The following RASGRF2 variants were observed in gnomAD, a reference collection of about 807,000 sequenced individuals.
RASGRF2 encodes the protein Ras protein specific guanine nucleotide releasing factor 2, also known as ras-specific guanine nucleotide-releasing factor 2.
A neutral mutation model predicts 151.0 loss-of-function variants in RASGRF2; 76 were observed. The observed-to-expected ratio is 0.50, with a 90% CI of 0.42 to 0.61. The LOEUF (loss-of-function observed/expected upper bound fraction) is 0.61, where lower values mean the gene tolerates loss of function less well. Ranked by LOEUF, RASGRF2 falls within the 20% of genes least tolerant of loss-of-function variation. The pLI is 0.00. For missense variants in RASGRF2, 1,148 were observed against 1,564.6 expected (o/e 0.73, Z 4.49); for synonymous variants, 504 against 566.5 (o/e 0.89, Z 1.57).
At chr5:81,185,278 C>G (rs886177107) in intron 18 of RASGRF2, among the ~76,000 whole-genome samples, 1 of 152,220 alleles carries the variant, frequency 6.6e-6, no homozygotes, top group African/African-American at 2.4e-5. Context: ...TCCAGCTAGC[C>G]TCCGTGTTAA....
chr5:81,207,827 C>T (rs953632249), intron 21 of RASGRF2, among the ~76,000 whole-genome samples: 4 of 152,194 alleles, frequency 2.6e-5, no homozygotes, highest in African/African-American at 4.8e-5. Flanking sequence ...TGACCACCTG[C>T]GCCCTCCTGA....
intron 2 of RASGRF2, among the ~76,000 whole-genome samples, chr5:81,049,961 C>T (rs1750960173): frequency 6.6e-6 from 1 of 152,172 alleles, no homozygotes; most frequent in Admixed American, 6.5e-5. Flanking sequence ...GCAAGACAAA[C>T]CCAAACTCAT....
Position 80,968,057 on chromosome 5 carries a change from G to A in RASGRF2, c.288+7031G>A, listed in dbSNP as rs545085962. On this transcript the variant is annotated intron_variant, in intron 1 of 26. Coordinates refer to ENST00000265080, the MANE Select transcript of RASGRF2 (RefSeq NM_006909.3). The stretch of plus-strand genomic sequence containing the variant: ...CTCCCTGCCTGGAATATGGAGATCC[G>A]GATAGTACCTGCTCCATCAGGTTGT... 6.6e-5 allele frequency among the ~76,000 whole-genome samples: 10 copies of A among 152,338 alleles called. No individual in the cohort carries two copies. In the South Asian group the frequency reaches 1.2e-3, roughly 19 times the overall value.
intron 2 of RASGRF2, among the ~76,000 whole-genome samples, chr5:81,062,883 A>G (rs571412201): frequency 1.6e-4 from 24 of 152,306 alleles, no homozygotes; most frequent in Non-Finnish European, 3.1e-4. Context: ...GTGTGGGGAT[A>G]GTAAGTTTTT....
chr5:81,113,540 C>T lies in RASGRF2; in HGVS notation c.2090C>T (p.Ser697Leu). The change falls in exon 15 of 27, where the codon TCA becomes TTA. Residue 697 changes from serine (S) to leucine (L), a missense_variant and splice_region_variant. Ser to Leu is a moderately radical substitution (Grantham distance 145, BLOSUM62 -2). Coordinates refer to ENST00000265080, the MANE Select transcript of RASGRF2 (RefSeq NM_006909.3). ...GCCACTTTTGCTCTCATTTTTAGGT[C>T]ATTGGAATTGTTTTTTGCTACCAGC... ...KRPFTSIPVR[S>L]LELFFATSQN... is the part of the protein sequence containing the mutation. 6.2e-7 allele frequency: 1 copy of T among 1,606,676 alleles called. No homozygotes were observed. Among genetic ancestry groups the T allele is most frequent in the Non-Finnish European group, 8.5e-7 (1 of 1,173,874 alleles).
intron 17 of RASGRF2, among the ~76,000 whole-genome samples, chr5:81,142,218 G>A (rs763498922): frequency 7.3e-5 from 11 of 150,232 alleles, no homozygotes; most frequent in Non-Finnish European, 1.0e-4. Flanking sequence ...AAGAACAGCC[G>A]GGGACTTCCT....
intron 17 of RASGRF2, among the ~76,000 whole-genome samples, chr5:81,169,752 C>A (rs1390497098): frequency 6.6e-6 from 1 of 152,114 alleles, no homozygotes; most frequent in Non-Finnish European, 1.5e-5. Flanking sequence ...CCCTCCATCA[C>A]CAATGATTCT....
In RASGRF2 at chr5:81,160,682, AAATAATAAT is replaced by A. The variant is rs531513005; in HGVS notation, c.2687-19463_2687-19455del. Among the ~76,000 whole-genome samples the A allele has an allele frequency of 2.3e-3, 321 of 138,478 alleles. 1 individual carries two copies. The highest frequency in any genetic ancestry group is 6.7e-3 in the African/African-American group (248 of 36,744). The allele number at this position is 138,478 out of a possible 152,430, so 90.8% of individuals were successfully genotyped here. A position where few individuals can be genotyped will look rare whatever the true frequency, so the allele number is the denominator to read the frequency against. Reference sequence around the variant, plus strand: ...GTGACAGAGCAAGACTCTGTCTCAAAAATAATAATAATAATAATAATAATAATAATAATA... The same window carrying A: ...GTGACAGAGCAAGACTCTGTCTCAAAAATAATAATAATAATAATAATAATA... On this transcript the variant is annotated intron_variant, in intron 17 of 26. Transcript: ENST00000265080.
chr5:81,060,596 G>GT lies in RASGRF2; in HGVS notation c.396-7435dup, dbSNP rs1475740265. On this transcript the variant is annotated intron_variant, in intron 2 of 26. Coordinates refer to ENST00000265080, the MANE Select transcript of RASGRF2 (RefSeq NM_006909.3). ...TAAAGACACAGATTTTTTTCCTACT[G>GT]TGTTTACTCCTGTGCCCAGTATTTT... Among the ~76,000 whole-genome samples the GT allele has an allele frequency of 3.3e-5, 5 of 151,820 alleles. No individual in the cohort carries two copies. In the South Asian group the frequency reaches 8.3e-4, roughly 25 times the overall value.
intron 2 of RASGRF2, among the ~76,000 whole-genome samples, chr5:81,053,300 A>G (rs1580256892): frequency 9.5e-6 from 1 of 105,240 alleles, no homozygotes; most frequent in East Asian, 3.1e-4. Context: ...GACAGGCCCC[A>G]GTGTGTGATG....
intron 11 of RASGRF2, 90 bp from the exon 12 acceptor site, chr5:81,094,766 T>G (rs1752497343): frequency 7.2e-7 from 1 of 1,383,686 alleles, no homozygotes; most frequent in Non-Finnish European, 1.0e-6. Context: ...TGAGTGCAAA[T>G]GGATTGTATA....
At chr5:81,166,952 A>G (rs1754526568) in intron 17 of RASGRF2, among the ~76,000 whole-genome samples, 1 of 152,210 alleles carries the variant, frequency 6.6e-6, no homozygotes, top group South Asian at 2.1e-4. Context: ...ACGAAACTGC[A>G]GAGAGCTTTT....
In RASGRF2 at chr5:80,991,641, A is replaced by G. The variant is rs531502002; in HGVS notation, c.288+30615A>G. 4.6e-5 allele frequency among the ~76,000 whole-genome samples: 7 copies of G among 152,312 alleles called. No individual in the cohort carries two copies. The South Asian group carries it at 1.5e-3, about 32-fold the overall frequency. On this transcript the variant is annotated intron_variant, in intron 1 of 26. Coordinates refer to ENST00000265080, the MANE Select transcript of RASGRF2 (RefSeq NM_006909.3). ...CTCTAGTGTGCCTGTTTGCTTTAAT[A>G]TCAATGAGATGTATATTGATGTACA...
Position 81,201,427 on chromosome 5 carries a change from C to T in RASGRF2, c.2891C>T (p.Ala964Val). The change falls in exon 19 of 27, where the codon GCC becomes GTC. Residue 964 changes from alanine to valine, a missense_variant. By Grantham distance (64) the Ala-to-Val change is moderately conservative. Coordinates refer to ENST00000265080, the MANE Select transcript of RASGRF2 (RefSeq NM_006909.3). ...PDLLPQERKA[A>V]ANILRALSQD... ...CTTCTTCCCCAAGAAAGGAAAGCCG[C>T]CGCGAATATCCTCAGGTGAAGGCAG... 1 of 1,613,740 alleles carries T rather than the reference C, an allele frequency of 6.2e-7. No homozygotes were observed. The highest frequency in any genetic ancestry group is 8.5e-7 in the Non-Finnish European group (1 of 1,179,880).
chr5:81,184,903 A>T (rs1394169991), intron 18 of RASGRF2, among the ~76,000 whole-genome samples: 2 of 152,246 alleles, frequency 1.3e-5, no homozygotes, highest in Non-Finnish European at 2.9e-5. Flanking sequence ...GAAAATGCCC[A>T]CTAACAGCCA....
At chr5:81,117,325 G>C (rs2112554556) in intron 15 of RASGRF2, among the ~76,000 whole-genome samples, 1 of 152,324 alleles carries the variant, frequency 6.6e-6, no homozygotes, top group East Asian at 1.9e-4. Flanking sequence ...GGAAGTTCAA[G>C]ATCAAGGCAC....
intron 12 of RASGRF2, 84 bp downstream of exon 12, chr5:81,095,076 C>A (rs1752510782): frequency 4.5e-6 from 5 of 1,106,404 alleles, no homozygotes; most frequent in Middle Eastern, 4.6e-4. Flanking sequence ...GGTTTTTTAT[C>A]TTTATTAAAA....
At position 81,213,409 on chromosome 5, in the gene RASGRF2, G is replaced by C. The variant is rs192572001; in HGVS notation, c.3354+846G>C. ...AGGCTCTCACGTCCCATTGGTGCCA[G>C]AGAATAGAAGGGTCTACATCAGGCC... On this transcript the variant is annotated intron_variant, in intron 23 of 26. Coordinates refer to ENST00000265080, the MANE Select transcript of RASGRF2 (RefSeq NM_006909.3). Among the ~76,000 whole-genome samples, 4 of 152,318 alleles carry C rather than the reference G, an allele frequency of 2.6e-5. No individual in the cohort carries two copies. In the East Asian group the frequency reaches 7.7e-4, roughly 29 times the overall value.
At position 81,070,651 on chromosome 5, in the gene RASGRF2, G is replaced by A. The variant is rs544228787; in HGVS notation, c.633+70G>A. 41 of 1,342,948 alleles carry A rather than the reference G, an allele frequency of 3.1e-5. No individual in the cohort carries two copies. In the East Asian group the frequency reaches 8.8e-4, roughly 29 times the overall value. The allele number at this position is 1,342,948 out of a possible 1,614,324, so 83.2% of individuals were successfully genotyped here. ...TCGTCTGTTCTATGGTGGTGTCTTT[G>A]CCACCCTGTGCGTGAGCCGGGAGCA... is the stretch of plus-strand genomic sequence containing the variant. On this transcript the variant is annotated intron_variant, in intron 4 of 26. Coordinates refer to ENST00000265080, the MANE Select transcript of RASGRF2 (RefSeq NM_006909.3).
Sources: gnomAD v4.1 joint callset for allele counts (sites outside exome capture counted in the v4.1 genomes callset) on GRCh38, gnomAD v4.1.1 for gene constraint, MANE v1.5 for transcripts, NCBI Gene and HGNC (gene_info 2026-07-23, HGNC 2026-07-21) for gene names.